Variants in MAST2 observed in about 807,000 individuals in gnomAD.
MAST2 encodes microtubule-associated serine/threonine-protein kinase 2.
In MAST2, 70 loss-of-function variants were observed where a neutral mutation model predicts 147.4. The observed-to-expected ratio is 0.47, with a 90% CI of 0.39 to 0.58. The LOEUF (loss-of-function observed/expected upper bound fraction) is 0.58. Ranked by LOEUF, MAST2 falls within the 20% of genes least tolerant of loss-of-function variation. MAST2 has a pLI of 0.00. For missense variants in MAST2, 2,080 were observed against 2,302.3 expected (o/e 0.90, Z 1.98); for synonymous variants, 869 against 896.8 (o/e 0.97, Z 0.55).
chr1:45,967,846 A>G (rs1462990758), intron 5 of MAST2, among the ~76,000 whole-genome samples: 1 of 152,222 alleles, frequency 6.6e-6, no homozygotes, highest in Non-Finnish European at 1.5e-5. Context: ...TGATGGCAAA[A>G]TACACCTAAA....
At chr1:45,910,999 T>C (rs939915042) in intron 4 of MAST2, among the ~76,000 whole-genome samples, 8 of 152,234 alleles carry the variant, frequency 5.3e-5, no homozygotes, top group African/African-American at 1.9e-4. Context: ...AAACCCCATT[T>C]CTTTAATTAA....
intron 3 of MAST2, chr1:45,865,258 A>C (rs530681570): frequency 2.3e-5 from 8 of 349,486 alleles, no homozygotes; most frequent in African/African-American, 1.5e-4. Flanking sequence ...AGTGGAGTGC[A>C]GCTAAGTTCC....
chr1:45,924,643 A>G lies in MAST2; in HGVS notation c.501-34743A>G, dbSNP rs138338500. 5.6e-3 allele frequency among the ~76,000 whole-genome samples: 846 copies of G among 152,234 alleles called. 12 individuals are homozygous for G. The highest frequency in any genetic ancestry group is 0.019 in the African/African-American group (806 of 41,536). On this transcript the variant is annotated intron_variant, in intron 4 of 28. Coordinates refer to ENST00000361297, the MANE Select transcript of MAST2 (RefSeq NM_015112.3). ...TTATCTCTCTTTTTTTAATTTGATGAGTATAACTATTATAGGCTGAATTAT... is the reference window on the plus strand; with the variant it reads ...TTATCTCTCTTTTTTTAATTTGATGGGTATAACTATTATAGGCTGAATTAT...
intron 9 of MAST2, among the ~76,000 whole-genome samples, chr1:46,008,622 A>C (rs1282090843): frequency 6.6e-6 from 1 of 152,222 alleles, no homozygotes; most frequent in Non-Finnish European, 1.5e-5. Flanking sequence ...ACTACCCAGA[A>C]GTAGAGTTAT....
chr1:45,893,214 T>C (rs12410071), intron 4 of MAST2, among the ~76,000 whole-genome samples: 67,272 of 151,508 alleles, frequency 0.44, 15,086 homozygotes, highest in East Asian at 0.62. Context: ...TTTATTTATT[T>C]ATTTTAGACA....
chr1:45,940,621 ATT>A (rs372778900), intron 4 of MAST2, among the ~76,000 whole-genome samples: 9 of 141,036 alleles, frequency 6.4e-5, no homozygotes, highest in Admixed American at 2.1e-4. Flanking sequence ...AAGGTTGAGG[ATT>A]TTTTTTTTTT....
intron 3 of MAST2, among the ~76,000 whole-genome samples, chr1:45,829,949 G>T (rs1644903149): frequency 6.6e-6 from 1 of 150,996 alleles, no homozygotes; most frequent in African/African-American, 2.4e-5. Context: ...CTGCCTCCTG[G>T]GTTCAAGCAA....
intron 1 of MAST2, among the ~76,000 whole-genome samples, chr1:45,816,233 G>GAGAGAAAGAGAGAGAGAGAT (rs1644450681): frequency 6.6e-6 from 1 of 151,760 alleles, no homozygotes; most frequent in African/African-American, 2.4e-5. Flanking sequence ...GAGAGAGAGA[G>GAGAGAAAGAGAGAGAGAGAT]AGAGAGAGAG....
At chr1:45,992,725 T>A (rs753010464) in intron 5 of MAST2, among the ~76,000 whole-genome samples, 31 of 152,276 alleles carry the variant, frequency 2.0e-4, no homozygotes, top group Non-Finnish European at 3.5e-4. Flanking sequence ...TTTCTTTTTT[T>A]AAAATTCAAT....
At chr1:45,844,765 T>A (rs931196312) in intron 3 of MAST2, among the ~76,000 whole-genome samples, 2 of 152,202 alleles carry the variant, frequency 1.3e-5, no homozygotes, top group Non-Finnish European at 2.9e-5. Flanking sequence ...AAAATTTTTT[T>A]AGATAAATTT....
At chr1:46,010,662 C>A in intron 9 of MAST2, 68 bp from the exon 10 acceptor site, 1 of 1,424,138 alleles carries the variant, frequency 7.0e-7, no homozygotes, top group African/African-American at 1.4e-5. Flanking sequence ...ATTTCCAGGT[C>A]CTTCAGGCTT....
At chr1:46,010,076 CT>C (rs1169084702) in intron 9 of MAST2, among the ~76,000 whole-genome samples, 1 of 152,204 alleles carries the variant, frequency 6.6e-6, no homozygotes, top group Non-Finnish European at 1.5e-5. Flanking sequence ...AACTCACCAT[CT>C]GTGACCAGAC....
chr1:45,842,043 A>G (rs1446385133), intron 3 of MAST2, among the ~76,000 whole-genome samples: 1 of 152,178 alleles, frequency 6.6e-6, no homozygotes, highest in African/African-American at 2.4e-5. Context: ...AATTTTTCAG[A>G]TAAGGAGTTT....
rs1212119461 is a variant in MAST2, at chr1:45,932,205, T to G, written c.501-27181T>G. 2.6e-5 allele frequency among the ~76,000 whole-genome samples: 4 copies of G among 152,212 alleles called. No individual in the cohort carries two copies. In the East Asian group the frequency reaches 7.7e-4, roughly 29 times the overall value. Reference sequence around the variant, plus strand: ...TAAGTACCCCATTCCTCATCAAATTTTAACCCTCTGTTTTTAGGATCCATT... The same window carrying G: ...TAAGTACCCCATTCCTCATCAAATTGTAACCCTCTGTTTTTAGGATCCATT... On this transcript the variant is annotated intron_variant, in intron 4 of 28. Coordinates refer to ENST00000361297, the MANE Select transcript of MAST2 (RefSeq NM_015112.3).
chr1:45,878,404 T>A (rs768307527), intron 3 of MAST2, among the ~76,000 whole-genome samples: 85 of 152,072 alleles, frequency 5.6e-4, no homozygotes, highest in Non-Finnish European at 1.0e-3. Flanking sequence ...AGAAGAGAAC[T>A]TGATAAAAAG....
At chr1:45,968,483 T>G (rs900684279) in intron 5 of MAST2, among the ~76,000 whole-genome samples, 1 of 36,968 alleles carries the variant, frequency 2.7e-5, no homozygotes, top group Non-Finnish European at 5.0e-5. Context: ...TTTTTTGTTG[T>G]TTTTTTTTTT....
At chr1:45,943,901 T>C (rs923303760) in intron 4 of MAST2, among the ~76,000 whole-genome samples, 1 of 152,168 alleles carries the variant, frequency 6.6e-6, no homozygotes, top group African/African-American at 2.4e-5. Context: ...AAGTACACTA[T>C]CCTTAACAAC....
chr1:45,809,715 C>T (rs1469173745), intron 1 of MAST2, among the ~76,000 whole-genome samples: 1 of 152,128 alleles, frequency 6.6e-6, no homozygotes, highest in East Asian at 1.9e-4. Context: ...AGTTGTTTTT[C>T]CACATGGGAT....
chr1:45,818,778 T>C (rs969191180), intron 1 of MAST2, among the ~76,000 whole-genome samples: 7 of 152,206 alleles, frequency 4.6e-5, no homozygotes, highest in African/African-American at 1.7e-4. Flanking sequence ...TTGTTGATGT[T>C]GTGAGTTGTC....
Sources: allele counts gnomAD v4.1 joint callset (sites outside exome capture counted in the v4.1 genomes callset), GRCh38; gene constraint gnomAD v4.1.1; transcripts MANE v1.5; gene names NCBI Gene and HGNC (gene_info 2026-07-23, HGNC 2026-07-21).